The following SPOCK1 variants were observed in gnomAD, a reference collection of about 807,000 sequenced individuals.
SPOCK1 encodes the protein testican-1.
Under a neutral mutation model 55.3 loss-of-function variants are expected in SPOCK1, and 23 were observed. The observed-to-expected ratio is 0.42, with a 90% CI of 0.30 to 0.59. SPOCK1 has a LOEUF of 0.59. SPOCK1 is among the 20% of genes least tolerant of loss of function. The probability of loss-of-function intolerance (pLI) is 0.22; values close to 1 mark genes in which losing one functional copy is unlikely to be tolerated. For missense variants in SPOCK1, 499 were observed against 552.5 expected (o/e 0.90, Z 0.97); for synonymous variants, 226 against 221.0 (o/e 1.02, Z -0.20).
intron 3 of SPOCK1, among the ~76,000 whole-genome samples, chr5:137,197,410 A>G (rs912039040): frequency 6.6e-6 from 1 of 152,176 alleles, no homozygotes; most frequent in Non-Finnish European, 1.5e-5. Context: ...TGGCTATGTG[A>G]CCGTGGACAA....
chr5:137,254,915 G>T (rs529496742), intron 3 of SPOCK1, among the ~76,000 whole-genome samples: 7 of 152,280 alleles, frequency 4.6e-5, no homozygotes, highest in Non-Finnish European at 7.4e-5. Flanking sequence ...CCTTGTTCCT[G>T]CCAGGAAAAG....
At chr5:137,125,176 C>A (rs1214026088) in intron 4 of SPOCK1, among the ~76,000 whole-genome samples, 21 of 152,224 alleles carry the variant, frequency 1.4e-4, no homozygotes, top group Admixed American at 1.3e-3. Context: ...CCCCCAGCTC[C>A]TTTCTTGATT....
chr5:137,431,766 CTA>C (rs1318031061), intron 2 of SPOCK1, among the ~76,000 whole-genome samples: 1 of 152,226 alleles, frequency 6.6e-6, no homozygotes, highest in Non-Finnish European at 1.5e-5. Flanking sequence ...GACCTTCTCA[CTA>C]TGTTATGATG....
At chr5:137,040,729 C>T (rs2126991417) in intron 6 of SPOCK1, among the ~76,000 whole-genome samples, 1 of 152,300 alleles carries the variant, frequency 6.6e-6, no homozygotes, top group South Asian at 2.1e-4. Context: ...CAATCAATTT[C>T]ACATCTCTCT....
At chr5:137,398,820 C>T (rs1751911386) in intron 2 of SPOCK1, among the ~76,000 whole-genome samples, 1 of 152,168 alleles carries the variant, frequency 6.6e-6, no homozygotes, top group South Asian at 2.1e-4. Context: ...ATGAAAAATA[C>T]TTTATGGAAG....
At chr5:137,157,632 T>C (rs1208327958) in intron 3 of SPOCK1, among the ~76,000 whole-genome samples, 1 of 152,174 alleles carries the variant, frequency 6.6e-6, no homozygotes, top group South Asian at 2.1e-4. Flanking sequence ...TCTCTCTCCA[T>C]AGAGTTTTCT....
intron 3 of SPOCK1, among the ~76,000 whole-genome samples, chr5:137,224,884 G>C (rs2127089868): frequency 6.6e-6 from 1 of 152,214 alleles, no homozygotes; most frequent in South Asian, 2.1e-4. Context: ...CAATCACAGG[G>C]GGCTGGAAGC....
chr5:137,443,952 G>C, intron 2 of SPOCK1, among the ~76,000 whole-genome samples: 1 of 152,052 alleles, frequency 6.6e-6, no homozygotes, highest in East Asian at 1.9e-4. Flanking sequence ...ATTAAACCTG[G>C]GCACTTTTGA....
At chr5:137,464,327 A>C (rs1188073483) in intron 2 of SPOCK1, among the ~76,000 whole-genome samples, 1 of 152,070 alleles carries the variant, frequency 6.6e-6, no homozygotes, top group African/African-American at 2.4e-5. Flanking sequence ...CAAACAAACA[A>C]AGGCTTGAAG....
chr5:137,451,663 A>G (rs961449768), intron 2 of SPOCK1, among the ~76,000 whole-genome samples: 5 of 152,224 alleles, frequency 3.3e-5, no homozygotes, highest in Non-Finnish European at 7.3e-5. Context: ...GAAATAAAAA[A>G]TGGATTTAGC....
intron 2 of SPOCK1, among the ~76,000 whole-genome samples, chr5:137,419,779 T>C (rs1433753581): frequency 1.3e-5 from 2 of 152,346 alleles, no homozygotes; most frequent in Non-Finnish European, 1.5e-5. Context: ...TTTTCCTAAT[T>C]GATTACCCTT....
At chr5:137,125,268 G>C (rs1441821024) in intron 4 of SPOCK1, among the ~76,000 whole-genome samples, 1 of 152,198 alleles carries the variant, frequency 6.6e-6, no homozygotes, top group African/African-American at 2.4e-5. Flanking sequence ...GGATACAAGA[G>C]TGAACTAGTC....
chr5:137,024,316 G>GC (rs72180461), intron 6 of SPOCK1, among the ~76,000 whole-genome samples: 1,478 of 140,014 alleles, frequency 0.011, 47 homozygotes, highest in African/African-American at 0.015. Context: ...CAGTTTGAAG[G>GC]GGGGGGGGTA....
intron 3 of SPOCK1, among the ~76,000 whole-genome samples, chr5:137,180,925 T>G (rs1274582946): frequency 6.6e-6 from 1 of 152,174 alleles, no homozygotes; most frequent in African/African-American, 2.4e-5. Flanking sequence ...CAGCTTTGTC[T>G]TGGAATCGAA....
At chr5:137,167,631 A>T (rs1754674395) in intron 3 of SPOCK1, among the ~76,000 whole-genome samples, 1 of 141,816 alleles carries the variant, frequency 7.1e-6, no homozygotes, top group Non-Finnish European at 1.6e-5. Context: ...TTCTCTGACC[A>T]CAATGGAATA....
At position 137,167,207 on chromosome 5, in the gene SPOCK1, A is replaced by G. The variant is rs576885340; in HGVS notation, c.233-26513T>C. On this transcript the variant is annotated intron_variant, in intron 3 of 10. Transcript: ENST00000394945. ...GAAATAGATTTTTAAGATAAAAACT[A>G]TAAGAATAGACCAAGAAGGTCATTA... 5.3e-5 allele frequency among the ~76,000 whole-genome samples: 8 copies of G among 152,210 alleles called. No homozygotes were observed. In the East Asian group the frequency reaches 5.8e-4, roughly 11 times the overall value.
intron 2 of SPOCK1, among the ~76,000 whole-genome samples, chr5:137,285,136 G>A (rs929935341): frequency 1.3e-4 from 20 of 152,302 alleles, no homozygotes; most frequent in South Asian, 1.2e-3. Flanking sequence ...CGGGTTGCTC[G>A]CAGACACACA....
At chr5:137,241,245 A>G (rs1756274470) in intron 3 of SPOCK1, among the ~76,000 whole-genome samples, 1 of 152,226 alleles carries the variant, frequency 6.6e-6, no homozygotes, top group Non-Finnish European at 1.5e-5. Flanking sequence ...AATAAATACA[A>G]ACACATAACA....
At chr5:137,021,562 A>C (rs958259424) in intron 6 of SPOCK1, among the ~76,000 whole-genome samples, 1 of 152,230 alleles carries the variant, frequency 6.6e-6, no homozygotes, top group Non-Finnish European at 1.5e-5. Context: ...CCTATTTTAT[A>C]TTAAATAAAA....
Sources: allele counts gnomAD v4.1 joint callset (sites outside exome capture counted in the v4.1 genomes callset), GRCh38; gene constraint gnomAD v4.1.1; transcripts MANE v1.5; gene names NCBI Gene and HGNC (gene_info 2026-07-23, HGNC 2026-07-21).